Variants in ZEB1 observed in about 807,000 individuals in gnomAD.
ZEB1 encodes zinc finger E-box binding homeobox 1.
ZEB1 carries 21 observed loss-of-function variants against 84.9 expected under a neutral mutation model. The ratio of observed to expected loss-of-function variants is 0.25; its 90% CI spans 0.18 to 0.36. The LOEUF is 0.36. Ranked by LOEUF, ZEB1 falls within the 10% of genes least tolerant of loss-of-function variation. The pLI is 1.00. For synonymous variants in ZEB1, 420 were observed against 471.1 expected (o/e 0.89, Z 1.41); for missense variants, 1,104 against 1,330.2 (o/e 0.83, Z 2.65).
chr10:31,410,453 G>A (rs908837904), intron 1 of ZEB1, among the ~76,000 whole-genome samples: 26 of 152,258 alleles, frequency 1.7e-4, no homozygotes, highest in African/African-American at 6.3e-4. Flanking sequence ...AGGGATATTG[G>A]CCTGAAATTC....
intron 1 of ZEB1, chr10:31,363,614 G>A (rs2043815554): frequency 2.6e-6 from 4 of 1,513,468 alleles, no homozygotes; most frequent in Non-Finnish European, 3.6e-6. Context: ...GTCTTCGGGA[G>A]CCTGGCTGGG....
chr10:31,461,224 C>T lies in ZEB1; in HGVS notation c.246C>T (p.Cys82=), dbSNP rs781693543. ...SSEREGNAKN[C]WEDDTGKEGQ... ...AAAGAGAAGGGAATGCTAAGAACTG[C>T]TGGGAGGATGACAGTAAGTCTGATT... The change falls in exon 2 of 9, where the codon TGC becomes TGT. Residue 82 remains cysteine (C), a synonymous_variant. Coordinates refer to ENST00000424869, the MANE Select transcript of ZEB1 (RefSeq NM_001174096.2). The T allele has an allele frequency of 9.3e-6, 15 of 1,612,448 alleles. No individual in the cohort carries two copies. The highest frequency in any genetic ancestry group is 1.3e-5 in the African/African-American group (1 of 74,756).
At chr10:31,384,279 A>C (rs1333021637) in intron 1 of ZEB1, among the ~76,000 whole-genome samples, 1 of 152,056 alleles carries the variant, frequency 6.6e-6, no homozygotes, top group African/African-American at 2.4e-5. Flanking sequence ...CATGACCTAC[A>C]CCAGTGCTCC....
At chr10:31,463,515 A>G (rs949217240) in intron 2 of ZEB1, among the ~76,000 whole-genome samples, 8 of 152,200 alleles carry the variant, frequency 5.3e-5, no homozygotes, top group Non-Finnish European at 1.2e-4. Flanking sequence ...GAGGAAACAA[A>G]GCCCAAGACC....
At chr10:31,338,882 C>A (rs1590080278) in intron 1 of ZEB1, among the ~76,000 whole-genome samples, 1 of 151,998 alleles carries the variant, frequency 6.6e-6, no homozygotes, top group Non-Finnish European at 1.5e-5. Flanking sequence ...ATTTATACAT[C>A]ATAAATGATG....
chr10:31,455,707 G>A (rs912120891), intron 1 of ZEB1, among the ~76,000 whole-genome samples: 7 of 152,174 alleles, frequency 4.6e-5, no homozygotes, highest in African/African-American at 1.7e-4. Flanking sequence ...ACCACAATGA[G>A]ATACCATCTC....
chr10:31,461,551 T>A (rs914951550), intron 2 of ZEB1, among the ~76,000 whole-genome samples: 3 of 152,142 alleles, frequency 2.0e-5, no homozygotes, highest in Non-Finnish European at 4.4e-5. Flanking sequence ...AATACTCTAC[T>A]TAGAAACCAA....
chr10:31,492,498 T>G (rs1417123437), intron 2 of ZEB1, among the ~76,000 whole-genome samples: 1 of 151,824 alleles, frequency 6.6e-6, no homozygotes, highest in Non-Finnish European at 1.5e-5. Context: ...TTATCAATAT[T>G]TAACCTCATC....
At chr10:31,420,669 C>CA (rs761148012) in intron 1 of ZEB1, among the ~76,000 whole-genome samples, 1 of 152,120 alleles carries the variant, frequency 6.6e-6, no homozygotes, top group Non-Finnish European at 1.5e-5. Context: ...AACATAATCA[C>CA]AACAGTAATA....
At chr10:31,363,281 G>A in intron 1 of ZEB1, 1 of 1,533,094 alleles carries the variant, frequency 6.5e-7, no homozygotes, top group Admixed American at 2.0e-5. Context: ...GTTGGAAGTG[G>A]GTCAGGCTTC....
intron 1 of ZEB1, among the ~76,000 whole-genome samples, chr10:31,362,181 T>C (rs1172657123): frequency 3.7e-4 from 44 of 118,552 alleles, no homozygotes; most frequent in East Asian, 2.6e-3. Context: ...CAGAGGCGCT[T>C]CTCACTTCCC....
Position 31,521,950 on chromosome 10 carries a change from T to C in ZEB1, c.2604+14T>C. 6.2e-7 allele frequency: 1 copy of C among 1,613,910 alleles called. No homozygotes were observed. Among genetic ancestry groups the C allele is most frequent in the Non-Finnish European group, 8.5e-7 (1 of 1,179,914 alleles). On this transcript the variant is annotated intron_variant, in intron 7 of 8. Coordinates refer to ENST00000424869, the MANE Select transcript of ZEB1 (RefSeq NM_001174096.2). The stretch of plus-strand genomic sequence containing the variant: ...AATGGAAATCAGGTAAAAAATAACC[T>C]CCATCCTGAACCTGGCTAGTAATAT...
intron 2 of ZEB1, among the ~76,000 whole-genome samples, chr10:31,473,951 C>G (rs1196043967): frequency 6.6e-6 from 1 of 151,938 alleles, no homozygotes; most frequent in African/African-American, 2.4e-5. Flanking sequence ...GAAAAACAAG[C>G]AATGGGGAAA....
rs115451170 is a variant in ZEB1, at chr10:31,396,965, A to G, written c.59-64072A>G. Reference sequence around the variant, plus strand: ...GTATGTAACAGTCCAGAAGAAGTTAATAAAATAGCTCGAGCTCTCCTAACT... The same window carrying G: ...GTATGTAACAGTCCAGAAGAAGTTAGTAAAATAGCTCGAGCTCTCCTAACT... On this transcript the variant is annotated intron_variant, in intron 1 of 8. Transcript: ENST00000424869. Among the ~76,000 whole-genome samples the G allele has an allele frequency of 6.1e-3, 928 of 151,672 alleles. 10 individuals carry two copies. Among genetic ancestry groups the G allele is most frequent in the African/African-American group, 0.021 (865 of 41,472 alleles).
At chr10:31,368,910 T>C (rs1414433058) in intron 1 of ZEB1, among the ~76,000 whole-genome samples, 1 of 152,226 alleles carries the variant, frequency 6.6e-6, no homozygotes, top group East Asian at 1.9e-4. Context: ...GCTCTGACTT[T>C]TGAAACCAGT....
At chr10:31,348,718 G>A (rs972359978) in intron 1 of ZEB1, among the ~76,000 whole-genome samples, 2 of 151,986 alleles carry the variant, frequency 1.3e-5, no homozygotes, top group African/African-American at 4.8e-5. Flanking sequence ...TGTGTTCTGT[G>A]TCCGTTTTAG....
At chr10:31,390,935 A>G (rs1446182057) in intron 1 of ZEB1, among the ~76,000 whole-genome samples, 1 of 152,092 alleles carries the variant, frequency 6.6e-6, no homozygotes, top group South Asian at 2.1e-4. Flanking sequence ...AGTAGTGTGG[A>G]TCTACCCTCA....
chr10:31,524,250 A>T, intron 8 of ZEB1, 137 bp downstream of exon 8: 1 of 960,578 alleles, frequency 1.0e-6, no homozygotes, highest in Non-Finnish European at 1.5e-6. Context: ...GGCTCTAGTC[A>T]CCCAGGCTGG....
rs2133353673 is a variant in ZEB1 at position 31,334,193 on chromosome 10, G to A, written c.58+14901G>A. Reference sequence around the variant, plus strand: ...CTTACAAGCCTGCTGTAATGGACACGTATGGAACATTGTATTCCACAACTA... The same window carrying A: ...CTTACAAGCCTGCTGTAATGGACACATATGGAACATTGTATTCCACAACTA... On this transcript the variant is annotated intron_variant, in intron 1 of 8. Coordinates refer to ENST00000424869, the MANE Select transcript of ZEB1 (RefSeq NM_001174096.2). Among the ~76,000 whole-genome samples, 5 of 152,154 alleles carry A rather than the reference G, an allele frequency of 3.3e-5. No individual in the cohort carries two copies. The South Asian group carries it at 1.0e-3, about 32-fold the overall frequency.
Sources: allele counts gnomAD v4.1 joint callset (sites outside exome capture counted in the v4.1 genomes callset), GRCh38; gene constraint gnomAD v4.1.1; transcripts MANE v1.5; gene names NCBI Gene and HGNC (gene_info 2026-07-23, HGNC 2026-07-21).